Variants in CHD1L observed in about 807,000 individuals in gnomAD.
CHD1L encodes the protein ATP-dependent chromatin remodeler CHD1L.
In CHD1L, 118 loss-of-function variants were observed where a neutral mutation model predicts 115.9. The observed-to-expected ratio is 1.02, with a 90% CI of 0.88 to 1.19. CHD1L has a LOEUF of 1.19. Ranked by LOEUF, CHD1L falls within the 50% of genes most tolerant of loss-of-function variation. The pLI is 0.00. For missense variants in CHD1L, 1,179 were observed against 1,065.3 expected, an observed-to-expected ratio of 1.11 and a Z score of -1.49; for synonymous variants, 411 against 387.1, an observed-to-expected ratio of 1.06 and a Z score of -0.72.
the CHD1L span, among the ~76,000 whole-genome samples, chr1:147,231,059 T>C: frequency 6.6e-6 from 1 of 152,206 alleles, no homozygotes; most frequent in Non-Finnish European, 1.5e-5. Flanking sequence ...CTTTTGAATG[T>C]GTTCGCTCTT....
At chr1:147,284,854 T>C (rs1682459721) in intron 16 of CHD1L, among the ~76,000 whole-genome samples, 1 of 152,146 alleles carries the variant, frequency 6.6e-6, no homozygotes, top group African/African-American at 2.4e-5. Context: ...AAATGATATA[T>C]GTAGTGTTCA....
the CHD1L span, among the ~76,000 whole-genome samples, chr1:147,185,043 A>G: frequency 0.37 from 56,610 of 151,884 alleles, 10,976 homozygotes; most frequent in African/African-American, 0.5. Flanking sequence ...TAATATAAGA[A>G]CAAGATATGG....
At chr1:147,280,750 T>C (rs900219036) in intron 15 of CHD1L, among the ~76,000 whole-genome samples, 5 of 152,008 alleles carry the variant, frequency 3.3e-5, no homozygotes, top group African/African-American at 1.2e-4. Flanking sequence ...TCTTTTCTAT[T>C]CTGAGCACTT....
Position 147,293,770 on chromosome 1 carries a change from C to G in CHD1L, c.2506+48C>G, listed in dbSNP as rs2297752. ...AAGAGTAGATGAATTTGTTTCTAGG[C>G]ATGTGATACGACTTTTGAAGGGAGG... On this transcript the variant is annotated intron_variant, in intron 21 of 22. Coordinates refer to ENST00000369258, the MANE Select transcript of CHD1L (RefSeq NM_004284.6). 182,987 of 1,468,368 alleles carry G rather than the reference C, an allele frequency of 0.12. 16,498 individuals carry two copies. Among genetic ancestry groups the G allele is most frequent in the African/African-American group, 0.39 (28,081 of 71,998 alleles). 91.0% of individuals were successfully genotyped at this position (1,468,368 alleles called of 1,614,324 possible).
upstream of CHD1L, among the ~76,000 whole-genome samples, chr1:147,238,104 C>T (rs1286086311): frequency 1.3e-5 from 2 of 152,146 alleles, no homozygotes; most frequent in Admixed American, 1.3e-4. Context: ...TATTTCATGA[C>T]AAAGAGGTAT....
the CHD1L span, among the ~76,000 whole-genome samples, chr1:147,184,976 A>ATC: frequency 7.6e-6 from 1 of 131,202 alleles, no homozygotes. This position sits in a 1 kb window ranked among gnomAD's most constrained non-coding sequence, Gnocchi z 4.4. Flanking sequence ...CACTACAAGA[A>ATC]TATATATATA....
At chr1:147,275,499 G>A in intron 13 of CHD1L, 31 bp downstream of exon 13, 1 of 1,537,834 alleles carries the variant, frequency 6.5e-7, no homozygotes, top group Non-Finnish European at 9.0e-7. Context: ...TCCTTGGCTT[G>A]CCCAGCAGCA....
chr1:147,186,658 T>C, the CHD1L span: 1 of 1,276,860 alleles, frequency 7.8e-7, no homozygotes, highest in Non-Finnish European at 9.9e-7. Flanking sequence ...AAAGAGTACC[T>C]GAGCTCCCAG....
In CHD1L at chr1:147,287,682, A is replaced by G. The variant is rs1683747069; in HGVS notation, c.2269A>G (p.Lys757Glu). The G allele has an allele frequency of 6.2e-7, 1 of 1,614,146 alleles. No homozygotes were observed. Among genetic ancestry groups the G allele is most frequent in the Non-Finnish European group, 8.5e-7 (1 of 1,180,008 alleles). ...AGGTGGTTTATTTACAGCTCTGGAA[A>G]AGCGATCCGCTGAGCCAAGAAAAAT... ...GRGGLFTALE[K>E]RSAEPRKIYE... The change falls in exon 19 of 23, where the codon AAG becomes GAG. Residue 757 changes from lysine (K) to glutamate (E), a missense_variant. Coordinates refer to ENST00000369258, the MANE Select transcript of CHD1L (RefSeq NM_004284.6).
chr1:147,205,078 CCT>C, the CHD1L span: 1 of 615,128 alleles, frequency 1.6e-6, no homozygotes, highest in Non-Finnish European at 2.9e-6. Context: ...ACATGCAAGT[CCT>C]GGAGCATAAT....
At chr1:147,287,105 T>C (rs370326410) in intron 18 of CHD1L, among the ~76,000 whole-genome samples, 1 of 151,950 alleles carries the variant, frequency 6.6e-6, no homozygotes, top group African/African-American at 2.4e-5. Context: ...GCAGCAGGGG[T>C]TTTTTCTTGT....
intron 20 of CHD1L, among the ~76,000 whole-genome samples, chr1:147,292,738 G>A (rs1251330688): frequency 6.6e-6 from 1 of 152,178 alleles, no homozygotes; most frequent in East Asian, 1.9e-4. Context: ...GTGGGGGAAG[G>A]TGCCACACTG....
chr1:147,182,940 C>G, the CHD1L span, among the ~76,000 whole-genome samples: 2 of 152,198 alleles, frequency 1.3e-5, no homozygotes, highest in African/African-American at 4.8e-5. Context: ...TGGCTCACAC[C>G]TGTAATCCCA....
chr1:147,264,639 T>C (rs1673195916), intron 7 of CHD1L, 55 bp downstream of exon 7: 1 of 1,570,576 alleles, frequency 6.4e-7, no homozygotes. Flanking sequence ...GAAACCATCC[T>C]CATGCATAAT....
chr1:147,187,117 T>G, the CHD1L span: 1 of 1,613,962 alleles, frequency 6.2e-7, no homozygotes, highest in Non-Finnish European at 8.5e-7. Flanking sequence ...CAGTAATAAG[T>G]GTAATGCCAG....
Position 147,265,521 on chromosome 1 carries a change from C to G in CHD1L, c.740-411C>G, listed in dbSNP as rs146877538. 8.5e-4 allele frequency among the ~76,000 whole-genome samples: 129 copies of G among 152,304 alleles called. 1 individual carries two copies. The highest frequency in any genetic ancestry group is 2.6e-3 in the Admixed American group (40 of 15,298). ...TAAGTCAAAGAGCCAAATTTGAATG[C>G]TGGCCACATTCACATCCAGCTGTGT... On this transcript the variant is annotated intron_variant, in intron 7 of 22. Transcript: ENST00000369258.
rs1230004036 is a variant in CHD1L at position 147,295,624 on chromosome 1, C to G, written c.*115C>G. 4.0e-6 allele frequency: 3 copies of G among 756,034 alleles called. No individual in the cohort carries two copies. Among genetic ancestry groups the G allele is most frequent in the African/African-American group, 1.8e-5 (1 of 55,514 alleles). The allele number at this position is 756,034 out of a possible 1,614,324, so 46.8% of individuals were successfully genotyped here. A position where few individuals can be genotyped will look rare whatever the true frequency, so the allele number is the denominator to read the frequency against. On this transcript the variant is annotated 3_prime_UTR_variant, in exon 23 of 23. Coordinates refer to ENST00000369258, the MANE Select transcript of CHD1L (RefSeq NM_004284.6). Reference sequence around the variant, plus strand: ...ATCTGGTGGGCCTCAGAAATTGTCTCTTTTCTGAGTTTCAGTTTGGTTCTC... The same window carrying G: ...ATCTGGTGGGCCTCAGAAATTGTCTGTTTTCTGAGTTTCAGTTTGGTTCTC...
At chr1:147,275,882 G>A (rs1484221357) in intron 13 of CHD1L, among the ~76,000 whole-genome samples, 1 of 152,032 alleles carries the variant, frequency 6.6e-6, no homozygotes. Flanking sequence ...CCCAGTCATG[G>A]TTACCCCATC....
the CHD1L span, among the ~76,000 whole-genome samples, chr1:147,183,273 A>G: frequency 2.6e-5 from 4 of 152,226 alleles, no homozygotes; most frequent in Non-Finnish European, 5.9e-5. Context: ...TCCTGCAGAC[A>G]TTTCAAAATG....
Sources: gnomAD v4.1 joint callset for allele counts (sites outside exome capture counted in the v4.1 genomes callset) on GRCh38, gnomAD v4.1.1 for gene constraint, Gnocchi (gnomAD v3.1) non-coding constraint, MANE v1.5 for transcripts, NCBI Gene and HGNC (gene_info 2026-07-23, HGNC 2026-07-21) for gene names.